Variants in RARB observed in about 807,000 individuals in gnomAD.
RARB encodes the protein HBV-activated protein.
A neutral mutation model predicts 51.9 loss-of-function variants in RARB; 17 were observed. The observed-to-expected ratio is 0.33, with a 90% CI of 0.22 to 0.49. The LOEUF is 0.49. Among genes scored for constraint, RARB ranks in the 20% least tolerant of loss-of-function variants. RARB has a pLI of 0.99. For missense variants in RARB, 369 were observed against 550.8 expected, an observed-to-expected ratio of 0.67 and a Z score of 3.30; for synonymous variants, 215 against 195.4, an observed-to-expected ratio of 1.10 and a Z score of -0.84.
intron 1 of RARB, among the ~76,000 whole-genome samples, chr3:25,449,952 A>G (rs1017232850): frequency 1.3e-5 from 2 of 151,482 alleles, no homozygotes; most frequent in African/African-American, 2.4e-5. Flanking sequence ...GGGTTTCACT[A>G]CGTTGGCCAG....
At chr3:25,191,190 A>G (rs1575207600) in intron 5 of RARB, among the ~76,000 whole-genome samples, 1 of 152,156 alleles carries the variant, frequency 6.6e-6, no homozygotes, top group African/African-American at 2.4e-5. Flanking sequence ...CCAAGCAAAC[A>G]TATTTCTTAT....
chr3:25,317,855 A>C (rs144147188), intron 5 of RARB, among the ~76,000 whole-genome samples: 6 of 152,326 alleles, frequency 3.9e-5, no homozygotes. Context: ...TACCTCTTTT[A>C]CACTATGAAT....
intron 2 of RARB, among the ~76,000 whole-genome samples, chr3:24,882,475 A>G (rs1013012455): frequency 1.3e-5 from 2 of 152,220 alleles, no homozygotes; most frequent in South Asian, 4.1e-4. Context: ...ATATCATTTT[A>G]TATCAGGAAT....
chr3:25,204,045 C>T (rs1180081533), intron 5 of RARB, among the ~76,000 whole-genome samples: 3 of 152,188 alleles, frequency 2.0e-5, no homozygotes, highest in Admixed American at 2.0e-4. Context: ...GTTCCATTCT[C>T]CCCATCACTT....
intron 5 of RARB, among the ~76,000 whole-genome samples, chr3:25,276,922 A>G (rs1006009643): frequency 1.3e-5 from 2 of 152,238 alleles, no homozygotes; most frequent in Admixed American, 6.5e-5. Context: ...TTCTAGATCT[A>G]GGACTGGTCA....
intron 2 of RARB, among the ~76,000 whole-genome samples, chr3:24,873,650 T>C (rs1445475990): frequency 1.3e-5 from 2 of 151,894 alleles, no homozygotes; most frequent in African/African-American, 4.8e-5. Context: ...TAAATTGTTA[T>C]TTATCAGTCT....
At chr3:25,364,226 C>T (rs756066893) in intron 5 of RARB, among the ~76,000 whole-genome samples, 7 of 152,056 alleles carry the variant, frequency 4.6e-5, no homozygotes, top group Non-Finnish European at 8.8e-5. Context: ...CTGCTAAATC[C>T]CAAGTGCCTG....
Position 25,250,125 on chromosome 3 carries a change from A to G in RARB, c.178+75550A>G, listed in dbSNP as rs2125401195. Among the ~76,000 whole-genome samples, 3 of 152,284 alleles carry G rather than the reference A, an allele frequency of 2.0e-5. No homozygotes were observed. The South Asian group carries it at 6.2e-4, about 32-fold the overall frequency. On this transcript the variant is annotated intron_variant, in intron 5 of 11. Coordinates refer to the RARB transcript ENST00000383772. ...TGACAGGATGAACAGATCAGTACTCAGGCCTGCAGGTGGCATGTACAGGTG... is the reference window on the plus strand; with the variant it reads ...TGACAGGATGAACAGATCAGTACTCGGGCCTGCAGGTGGCATGTACAGGTG...
At chr3:25,426,072 C>T (rs1160927578), upstream of RARB, among the ~76,000 whole-genome samples, 1 of 152,188 alleles carries the variant, frequency 6.6e-6, no homozygotes, top group Non-Finnish European at 1.5e-5. Context: ...TTCCAAGGAA[C>T]TCTAAGGACC....
At chr3:25,215,559 C>A (rs1052846146) in intron 5 of RARB, among the ~76,000 whole-genome samples, 6 of 152,134 alleles carry the variant, frequency 3.9e-5, no homozygotes, top group Admixed American at 1.3e-4. Flanking sequence ...GGTTGAAGTG[C>A]AGCAGGAGGA....
At chr3:25,377,826 C>G (rs1045103183) in intron 5 of RARB, among the ~76,000 whole-genome samples, 5 of 152,156 alleles carry the variant, frequency 3.3e-5, no homozygotes, top group Admixed American at 3.3e-4. Flanking sequence ...CCAACACACT[C>G]ATTTTCCAAA....
chr3:24,959,317 C>A (rs1267911140), intron 2 of RARB, among the ~76,000 whole-genome samples: 2 of 152,012 alleles, frequency 1.3e-5, no homozygotes, highest in East Asian at 3.9e-4. Context: ...GATTTTATTG[C>A]CAATGGAAGT....
intron 3 of RARB, among the ~76,000 whole-genome samples, chr3:25,079,507 C>G (rs1698948030): frequency 6.6e-6 from 1 of 152,134 alleles, no homozygotes; most frequent in Non-Finnish European, 1.5e-5. Flanking sequence ...AGCTGCTTAT[C>G]ATTTACCATT....
At chr3:24,928,358 A>G (rs1451710828) in intron 2 of RARB, among the ~76,000 whole-genome samples, 3 of 152,064 alleles carry the variant, frequency 2.0e-5, no homozygotes, top group African/African-American at 7.2e-5. Context: ...ACATTAAAAT[A>G]TAACCCATCC....
chr3:25,142,168 C>G (rs921660823), intron 4 of RARB, among the ~76,000 whole-genome samples: 2 of 152,080 alleles, frequency 1.3e-5, no homozygotes, highest in Admixed American at 6.5e-5. Flanking sequence ...CCCGTCTCTA[C>G]TAAAAAAGCA....
chr3:25,284,233 C>T (rs1428266886), intron 5 of RARB, among the ~76,000 whole-genome samples: 1 of 152,108 alleles, frequency 6.6e-6, no homozygotes, highest in Non-Finnish European at 1.5e-5. Context: ...GAAAGTGGAC[C>T]TTCCCCACTC....
chr3:24,883,485 A>T (rs1179035826), intron 2 of RARB, among the ~76,000 whole-genome samples: 4 of 152,102 alleles, frequency 2.6e-5, no homozygotes, highest in Non-Finnish European at 5.9e-5. Context: ...AAAGGAATCA[A>T]GAAAGAGGGC....
At chr3:25,034,200 C>T (rs1697935623) in intron 2 of RARB, among the ~76,000 whole-genome samples, 1 of 152,192 alleles carries the variant, frequency 6.6e-6, no homozygotes, top group African/African-American at 2.4e-5. Flanking sequence ...ATCCCGGCTA[C>T]TCAGGAGGCT....
rs527880810 is a variant in RARB, at chr3:25,009,339, A to G, written c.-379-50786A>G. 3.3e-4 allele frequency among the ~76,000 whole-genome samples: 51 copies of G among 152,262 alleles called. No individual in the cohort carries two copies. In the Middle Eastern group the frequency reaches 0.01, roughly 30 times the overall value. The stretch of plus-strand genomic sequence containing the variant: ...GTTTTCTCTTTAAAGGTAATCATAC[A>G]TGTCATTTTTTTTACATTGAAAATA... On this transcript the variant is annotated intron_variant, in intron 2 of 11. Coordinates refer to the RARB transcript ENST00000383772.
Sources: allele counts gnomAD v4.1 joint callset (sites outside exome capture counted in the v4.1 genomes callset), GRCh38; gene constraint gnomAD v4.1.1; transcripts MANE v1.5; gene names NCBI Gene and HGNC (gene_info 2026-07-23, HGNC 2026-07-21).